CHRM3: variants seen among roughly 807,000 people sequenced by gnomAD.
The protein encoded by CHRM3 is muscarinic acetylcholine receptor M3.
A neutral mutation model predicts 41.8 loss-of-function variants in CHRM3; 11 were observed. That is an observed-to-expected ratio of 0.26 (90% CI 0.17 to 0.44). The LOEUF is 0.44. Ranked by LOEUF, CHRM3 falls within the 20% of genes least tolerant of loss-of-function variation. The pLI is 1.00. For synonymous variants in CHRM3, 297 were observed against 301.4 expected, an observed-to-expected ratio of 0.99 and a Z score of 0.15; for missense variants, 571 against 745.4, an observed-to-expected ratio of 0.77 and a Z score of 2.72.
At chr1:239,751,692 G>A (rs181979190) in intron 5 of CHRM3, among the ~76,000 whole-genome samples, 255 of 152,250 alleles carry the variant, frequency 1.7e-3, no homozygotes, top group South Asian at 0.01. Context: ...TAGGCACTCA[G>A]TCAGACAGAT....
intron 3 of CHRM3, among the ~76,000 whole-genome samples, chr1:239,592,398 T>C (rs967470640): frequency 2.0e-5 from 3 of 152,148 alleles, no homozygotes; most frequent in Non-Finnish European, 2.9e-5. Context: ...ACATCTCCAT[T>C]ACCCTAAAAA....
intron 3 of CHRM3, among the ~76,000 whole-genome samples, chr1:239,627,657 T>C (rs1304825917): frequency 6.9e-6 from 1 of 144,606 alleles, no homozygotes; most frequent in Non-Finnish European, 1.5e-5. Context: ...TTCCTTTCCA[T>C]GTTTAGCGCT....
intron 2 of CHRM3, among the ~76,000 whole-genome samples, chr1:239,544,124 G>A (rs1659057537): frequency 6.6e-6 from 1 of 152,322 alleles, no homozygotes. Context: ...AGATTGCTGT[G>A]ATGCTGCTTT....
intron 1 of CHRM3, among the ~76,000 whole-genome samples, chr1:239,395,175 T>C (rs1007723942): frequency 2.0e-5 from 3 of 152,156 alleles, no homozygotes; most frequent in Non-Finnish European, 4.4e-5. Flanking sequence ...CACCCCTATT[T>C]TCTGCAGAGT....
At position 239,792,552 on chromosome 1, in the gene CHRM3, G is replaced by A. The variant is rs1357522398; in HGVS notation, c.-146-34700G>A. Reference sequence around the variant, plus strand: ...TGCATTTTAATGTAGACAAATAGATGAAATCATTTTGAGAGTTCTTTCCCA... The same window carrying A: ...TGCATTTTAATGTAGACAAATAGATAAAATCATTTTGAGAGTTCTTTCCCA... On this transcript the variant is annotated intron_variant, in intron 5 of 6. Coordinates refer to ENST00000676153, the MANE Select transcript of CHRM3 (RefSeq NM_001375978.1). Among the ~76,000 whole-genome samples, 3 of 152,164 alleles carry A rather than the reference G, an allele frequency of 2.0e-5. No homozygotes were observed. In the East Asian group the frequency reaches 5.8e-4, roughly 29 times the overall value.
chr1:239,705,274 C>T (rs1661044235), intron 5 of CHRM3: 1 of 152,200 alleles, frequency 6.6e-6, no homozygotes. Flanking sequence ...CCTATCTGAG[C>T]ACAGTCGACT....
intron 2 of CHRM3, among the ~76,000 whole-genome samples, chr1:239,505,864 G>A (rs1668533061): frequency 1.3e-5 from 2 of 152,210 alleles, no homozygotes; most frequent in Admixed American, 1.3e-4. Context: ...GTTCCAGGCT[G>A]AGTTGGTCTC....
intron 3 of CHRM3, among the ~76,000 whole-genome samples, chr1:239,594,084 T>G (rs1208614783): frequency 1.3e-5 from 2 of 152,202 alleles, no homozygotes; most frequent in Non-Finnish European, 1.5e-5. Flanking sequence ...ATTATTTTGT[T>G]AGGTAGAAAT....
intron 5 of CHRM3, among the ~76,000 whole-genome samples, chr1:239,727,498 T>C (rs1312242836): frequency 2.6e-5 from 4 of 151,966 alleles, no homozygotes; most frequent in African/African-American, 9.7e-5. Flanking sequence ...AATCGTGTGC[T>C]ATAAAAAGTA....
At chr1:239,429,622 G>A in intron 1 of CHRM3, among the ~76,000 whole-genome samples, 1 of 152,056 alleles carries the variant, frequency 6.6e-6, no homozygotes, top group East Asian at 1.9e-4. Flanking sequence ...TCATGTGTGA[G>A]GCACATATTT....
chr1:239,742,092 GTT>G (rs11286028), intron 5 of CHRM3, among the ~76,000 whole-genome samples: 9 of 150,040 alleles, frequency 6.0e-5, no homozygotes, highest in East Asian at 2.0e-4. Flanking sequence ...GCATGCATAC[GTT>G]TTTTTTTTTC....
chr1:239,782,036 T>A (rs886265623), intron 5 of CHRM3, among the ~76,000 whole-genome samples: 6 of 152,156 alleles, frequency 3.9e-5, no homozygotes, highest in African/African-American at 1.4e-4. Context: ...TGAGGACTTT[T>A]GCATCTATGT....
intron 5 of CHRM3, among the ~76,000 whole-genome samples, chr1:239,758,174 A>C (rs1234166701): frequency 6.6e-6 from 1 of 152,196 alleles, no homozygotes; most frequent in Non-Finnish European, 1.5e-5. Context: ...ATGTAATAAG[A>C]TACTTTCAAA....
chr1:239,618,639 T>C (rs1167632568), intron 3 of CHRM3, among the ~76,000 whole-genome samples: 6 of 151,392 alleles, frequency 4.0e-5, no homozygotes, highest in Admixed American at 3.9e-4. Flanking sequence ...GGTCAGGAGA[T>C]CGAGACCATC....
intron 2 of CHRM3, among the ~76,000 whole-genome samples, chr1:239,500,771 C>T (rs1206754782): frequency 6.6e-6 from 1 of 151,880 alleles, no homozygotes; most frequent in African/African-American, 2.4e-5. Context: ...TGCAACAGTA[C>T]ATCACATTTC....
intron 3 of CHRM3, among the ~76,000 whole-genome samples, chr1:239,620,800 CT>C (rs1037440161): frequency 1.4e-4 from 21 of 152,130 alleles, no homozygotes; most frequent in African/African-American, 5.1e-4. Flanking sequence ...GATTCACTCT[CT>C]CTTACAAAGA....
At chr1:239,508,402 T>G (rs1218549703) in intron 2 of CHRM3, among the ~76,000 whole-genome samples, 1 of 152,178 alleles carries the variant, frequency 6.6e-6, no homozygotes, top group South Asian at 2.1e-4. Flanking sequence ...ATAAAGGAAT[T>G]CTTTGTGTTT....
chr1:239,590,869 TG>T (rs1315095692), intron 3 of CHRM3, among the ~76,000 whole-genome samples: 1 of 151,968 alleles, frequency 6.6e-6, no homozygotes, highest in Non-Finnish European at 1.5e-5. Context: ...CTCATTTTCA[TG>T]GGAAAAAAAA....
intron 5 of CHRM3, among the ~76,000 whole-genome samples, chr1:239,721,985 G>C (rs1309853257): frequency 1.3e-5 from 2 of 151,698 alleles, no homozygotes; most frequent in Non-Finnish European, 2.9e-5. Context: ...TCAACACAAG[G>C]CATTCCAAAC....
Sources: gnomAD v4.1 joint callset for allele counts (sites outside exome capture counted in the v4.1 genomes callset) on GRCh38, gnomAD v4.1.1 for gene constraint, MANE v1.5 for transcripts, NCBI Gene and HGNC (gene_info 2026-07-23, HGNC 2026-07-21) for gene names.